MYO1B: variants seen among roughly 807,000 people sequenced by gnomAD.
MYO1B encodes the protein unconventional myosin-Ib.
Under a neutral mutation model 159.7 loss-of-function variants are expected in MYO1B, and 72 were observed. The ratio of observed to expected loss-of-function variants is 0.45; its 90% CI spans 0.37 to 0.55. The LOEUF is 0.55. MYO1B is among the 20% of genes least tolerant of loss of function. The pLI is 0.00. For synonymous variants in MYO1B, 468 were observed against 473.8 expected (o/e 0.99, Z 0.16); for missense variants, 1,062 against 1,364.8 (o/e 0.78, Z 3.50).
chr2:191,330,301 T>C (rs1229282310), intron 4 of MYO1B, among the ~76,000 whole-genome samples: 1 of 152,174 alleles, frequency 6.6e-6, no homozygotes, highest in Admixed American at 6.6e-5. Context: ...ATCTTTTTAC[T>C]TTTCTCCCAA....
In MYO1B at chr2:191,326,764, GTA is replaced by G. The variant is rs572543081; in HGVS notation, c.252-3165_252-3164del. 1.7e-3 allele frequency among the ~76,000 whole-genome samples: 229 copies of G among 133,882 alleles called. 1 individual carries two copies. The highest frequency in any genetic ancestry group is 7.2e-3 in the Admixed American group (92 of 12,792). 87.8% of individuals were successfully genotyped at this position (133,882 alleles called of 152,430 possible). On this transcript the variant is annotated intron_variant, in intron 3 of 30. Transcript: ENST00000392318. Reference sequence around the variant, plus strand: ...GGTGATCTTCCAAAGCCTTGTGTTTGTATATATGTGTGTGTGTGTGTGTGTGT... The same window carrying G: ...GGTGATCTTCCAAAGCCTTGTGTTTGTATATGTGTGTGTGTGTGTGTGTGT...
At chr2:191,394,910 T>C (rs1406684980) in intron 20 of MYO1B, among the ~76,000 whole-genome samples, 1 of 152,206 alleles carries the variant, frequency 6.6e-6, no homozygotes, top group Non-Finnish European at 1.5e-5. Flanking sequence ...ATTAACTTTG[T>C]TCTAATGTTA....
At chr2:191,258,319 G>C (rs966209531) in intron 1 of MYO1B, among the ~76,000 whole-genome samples, 1 of 152,172 alleles carries the variant, frequency 6.6e-6, no homozygotes, top group South Asian at 2.1e-4. Flanking sequence ...TAAAGATATG[G>C]TATAAAAGAT....
At chr2:191,402,871 C>A (rs1166814630) in intron 24 of MYO1B, among the ~76,000 whole-genome samples, 153 bp downstream of exon 24, 2 of 152,066 alleles carry the variant, frequency 1.3e-5, no homozygotes, top group African/African-American at 4.8e-5. Context: ...TCAGAAGAAA[C>A]CTATACACTA....
chr2:191,373,857 C>T (rs1257545655), intron 13 of MYO1B, among the ~76,000 whole-genome samples: 1 of 152,098 alleles, frequency 6.6e-6, no homozygotes, highest in Non-Finnish European at 1.5e-5. Context: ...CCCCCCAGTT[C>T]CTTGAGAGAA....
chr2:191,315,600 A>G (rs1229922251), intron 3 of MYO1B, among the ~76,000 whole-genome samples: 2 of 152,234 alleles, frequency 1.3e-5, no homozygotes, highest in Admixed American at 6.5e-5. Flanking sequence ...ATTTTTGCAT[A>G]TAAGACCAAA....
intron 26 of MYO1B, 96 bp from the exon 27 acceptor site, chr2:191,410,970 T>C (rs754043900): frequency 3.0e-5 from 21 of 693,930 alleles, no homozygotes; most frequent in Non-Finnish European, 4.9e-5. Context: ...TTCTCCCTTA[T>C]TCTTGTTGCT....
rs139374986 is a variant in MYO1B at position 191,265,227 on chromosome 2, A to G, written c.-9-11660A>G. 7.4e-4 allele frequency among the ~76,000 whole-genome samples: 109 copies of G among 147,316 alleles called. 1 individual carries two copies. Among genetic ancestry groups the G allele is most frequent in the Middle Eastern group, 3.5e-3 (1 of 286 alleles). ...TTTTTAAAGAAGGCCATTCTGCCAT[A>G]GTGTATCCCAGGCTGTTTTATGTGA... is the stretch of plus-strand genomic sequence containing the variant. On this transcript the variant is annotated intron_variant, in intron 1 of 30. Transcript: ENST00000392318.
In MYO1B at chr2:191,424,099, A is replaced by G; in HGVS notation, c.*139A>G. 2.0e-6 allele frequency: 2 copies of G among 992,576 alleles called. No homozygotes were observed. Among genetic ancestry groups the G allele is most frequent in the Admixed American group, 4.7e-5 (2 of 42,586 alleles). 61.5% of individuals were successfully genotyped at this position (992,576 alleles called of 1,614,324 possible). ...TTTGGCAAAATAAAAATATTTGACT[A>G]ATCAATTTTTATTATTGGAATAGTT... On this transcript the variant is annotated 3_prime_UTR_variant, in exon 31 of 31. Transcript: ENST00000392318.
intron 1 of MYO1B, among the ~76,000 whole-genome samples, chr2:191,249,025 A>G (rs1685958958): frequency 1.3e-5 from 2 of 152,354 alleles, no homozygotes; most frequent in Admixed American, 6.5e-5. Context: ...TTTACTTTTA[A>G]AAAGTTAGGT....
At chr2:191,383,944 G>A (rs1205192242) in intron 15 of MYO1B, among the ~76,000 whole-genome samples, 1 of 152,130 alleles carries the variant, frequency 6.6e-6, no homozygotes, top group African/African-American at 2.4e-5. Context: ...GAATTAAGTG[G>A]GACCCCAGAA....
chr2:191,319,671 A>C (rs1690575706), intron 3 of MYO1B, among the ~76,000 whole-genome samples: 1 of 152,170 alleles, frequency 6.6e-6, no homozygotes, highest in South Asian at 2.1e-4. Context: ...GACTGCCCCC[A>C]AAATCCTTGG....
chr2:191,341,899 C>T (rs1028681291), intron 5 of MYO1B, among the ~76,000 whole-genome samples: 2 of 151,940 alleles, frequency 1.3e-5, no homozygotes, highest in African/African-American at 4.8e-5. Flanking sequence ...CAGGATAACA[C>T]CTGTGGCTGA....
chr2:191,397,201 A>T (rs1375824886), intron 21 of MYO1B, among the ~76,000 whole-genome samples: 100 of 30,490 alleles, frequency 3.3e-3, no homozygotes, highest in African/African-American at 7.3e-3. Flanking sequence ...TATTTTATTT[A>T]TTTTTTTTTA....
chr2:191,382,369 A>G (rs1378322632), intron 14 of MYO1B, among the ~76,000 whole-genome samples: 1 of 152,142 alleles, frequency 6.6e-6, no homozygotes, highest in African/African-American at 2.4e-5. Context: ...GCTTAGTAAA[A>G]CAACCCATTT....
chr2:191,284,822 C>G (rs1374109770), intron 2 of MYO1B, among the ~76,000 whole-genome samples: 1 of 152,090 alleles, frequency 6.6e-6, no homozygotes, highest in Non-Finnish European at 1.5e-5. Flanking sequence ...TTAGTACAAA[C>G]AGCGTTTCAC....
At chr2:191,285,222 C>T (rs1010125349) in intron 2 of MYO1B, among the ~76,000 whole-genome samples, 4 of 152,246 alleles carry the variant, frequency 2.6e-5, no homozygotes, top group East Asian at 3.9e-4. Context: ...TTTGTCTCAA[C>T]GAAGATATGG....
intron 2 of MYO1B, among the ~76,000 whole-genome samples, chr2:191,278,331 A>G (rs764564372): frequency 1.3e-5 from 2 of 152,244 alleles, no homozygotes; most frequent in Non-Finnish European, 2.9e-5. Context: ...CTCTGTCCTT[A>G]TGACCTAGTC....
At chr2:191,288,215 A>T (rs73058677) in intron 2 of MYO1B, among the ~76,000 whole-genome samples, 2,136 of 149,574 alleles carry the variant, frequency 0.014, 58 homozygotes, top group African/African-American at 0.047. Flanking sequence ...TACTTAAAAA[A>T]ATATATTTTG....
Sources: gnomAD v4.1 joint callset for allele counts (sites outside exome capture counted in the v4.1 genomes callset) on GRCh38, gnomAD v4.1.1 for gene constraint, MANE v1.5 for transcripts, NCBI Gene and HGNC (gene_info 2026-07-23, HGNC 2026-07-21) for gene names.